The following PKD1L1 variants were observed in gnomAD, a reference collection of about 807,000 sequenced individuals.
PKD1L1 encodes polycystin 1 like 1, transient receptor potential channel interacting, also known as polycystin-1-like protein 1.
A neutral mutation model predicts 323.4 loss-of-function variants in PKD1L1; 236 were observed. That is an observed-to-expected ratio of 0.73 (90% CI 0.66 to 0.81). PKD1L1 has a LOEUF of 0.81. Among genes scored for constraint, PKD1L1 ranks in the 40% least tolerant of loss-of-function variants. The pLI is 0.00. For missense variants in PKD1L1, 3,320 were observed against 3,508.0 expected (o/e 0.95, Z 1.35); for synonymous variants, 1,344 against 1,335.0 (o/e 1.01, Z -0.15).
rs1787955607 is a variant in PKD1L1 at position 47,940,219 on chromosome 7, G to C, written c.259C>G (p.Pro87Ala). 1.2e-6 allele frequency: 2 copies of C among 1,614,138 alleles called. No individual in the cohort carries two copies. The highest frequency in any genetic ancestry group is 1.7e-6 in the Non-Finnish European group (2 of 1,180,018). ...GKAEDRESQS[P>A]SSSASRQKNI... ...TTCTGCCTGGAAGCTGATGAGGATG[G>C]GCTCTGTGATTCCCGGTCTTCTGCC... The change falls in exon 3 of 57, where the codon CCA becomes GCA. Residue 87 changes from proline to alanine, a missense_variant. Pro to Ala is a conservative substitution (Grantham distance 27). Transcript: ENST00000289672.
intron 30 of PKD1L1, among the ~76,000 whole-genome samples, chr7:47,853,761 C>CAAACCAAAAAAAAAAAAAAAAA (rs1785834681): frequency 1.2e-5 from 1 of 85,110 alleles, no homozygotes; most frequent in African/African-American, 4.5e-5. Context: ...AACAAACAAA[C>CAAACCAAAAAAAAAAAAAAAAA]AAACCAAAAA....
At chr7:47,800,377 CAG>C (rs1428676000) in intron 54 of PKD1L1, among the ~76,000 whole-genome samples, 1 of 152,160 alleles carries the variant, frequency 6.6e-6, no homozygotes. Context: ...TGATTCAGTG[CAG>C]AGTGAGGGGG....
At chr7:47,829,993 G>T in intron 43 of PKD1L1, 47 bp downstream of exon 43, 2 of 1,537,538 alleles carry the variant, frequency 1.3e-6, no homozygotes, top group Non-Finnish European at 1.8e-6. Flanking sequence ...TCCCATCTAG[G>T]TCCCCTGCTG....
At chr7:47,927,377 C>A (rs1444785405) in intron 7 of PKD1L1, among the ~76,000 whole-genome samples, 1 of 152,078 alleles carries the variant, frequency 6.6e-6, no homozygotes, top group Non-Finnish European at 1.5e-5. Flanking sequence ...CTCCCGGGTT[C>A]AAGCAATTCT....
intron 56 of PKD1L1, among the ~76,000 whole-genome samples, chr7:47,786,294 T>C (rs189307305): frequency 5.7e-4 from 87 of 152,310 alleles, no homozygotes; most frequent in African/African-American, 2.0e-3. Flanking sequence ...TCTCATTATT[T>C]TACAAACTGG....
At chr7:47,858,640 T>C (rs1785954508) in intron 27 of PKD1L1, 33 bp downstream of exon 27, 1 of 1,572,130 alleles carries the variant, frequency 6.4e-7, no homozygotes, top group African/African-American at 1.4e-5. Flanking sequence ...ATGGAAACAG[T>C]ATTTTTATGG....
upstream of PKD1L1, among the ~76,000 whole-genome samples, chr7:47,951,495 T>C (rs1197637788): frequency 6.6e-6 from 1 of 152,230 alleles, no homozygotes; most frequent in East Asian, 1.9e-4. Context: ...GTGTTTAGTA[T>C]GCACATAGTT....
Position 47,813,249 on chromosome 7 carries a change from T to C in PKD1L1, c.7218A>G (p.Thr2406=), listed in dbSNP as rs777443722. 1.2e-6 allele frequency: 2 copies of C among 1,614,194 alleles called. No homozygotes were observed. The highest frequency in any genetic ancestry group is 1.7e-5 in the Admixed American group (1 of 60,034). The stretch of plus-strand genomic sequence containing the variant: ...CAGGGCCTCCAACTTCGGGACTACA[T>C]GTAGGAATAGAGTCTTCGATGAGTG... ...FSALIEDSIP[T]CSPEVGGPEN... The change falls in exon 49 of 57, where the codon ACA becomes ACG. Residue 2406 remains threonine (T), a synonymous_variant. Transcript: ENST00000289672.
intron 7 of PKD1L1, among the ~76,000 whole-genome samples, chr7:47,922,813 G>C (rs961001182): frequency 6.6e-6 from 1 of 152,010 alleles, no homozygotes; most frequent in Non-Finnish European, 1.5e-5. Flanking sequence ...CCCTCTGCCC[G>C]GCCGCCACCC....
At chr7:47,853,351 C>G (rs573931769) in intron 30 of PKD1L1, 124 bp from the exon 31 acceptor site, 91 of 692,740 alleles carry the variant, frequency 1.3e-4, no homozygotes, top group Admixed American at 2.5e-4. Context: ...AAGGAGGTAG[C>G]CTGGGACTAA....
chr7:47,921,255 A>AG (rs1562990849), intron 7 of PKD1L1, among the ~76,000 whole-genome samples: 1 of 151,746 alleles, frequency 6.6e-6, no homozygotes, highest in Admixed American at 6.6e-5. Flanking sequence ...AAAAAAAAAA[A>AG]AAAGATATAC....
At chr7:47,922,483 T>C (rs1341820956) in intron 7 of PKD1L1, among the ~76,000 whole-genome samples, 12 of 147,662 alleles carry the variant, frequency 8.1e-5, no homozygotes, top group African/African-American at 2.5e-4. Flanking sequence ...TCTGCCCGGC[T>C]GCCCATCGTC....
intron 16 of PKD1L1, among the ~76,000 whole-genome samples, chr7:47,889,191 C>T (rs554791204): frequency 1.3e-5 from 2 of 152,102 alleles, no homozygotes; most frequent in African/African-American, 4.8e-5. Context: ...CCCCAGACCT[C>T]CTGGGGACAT....
At position 47,877,470 on chromosome 7, in the gene PKD1L1, C is replaced by T. The variant is rs1258900211; in HGVS notation, c.3663+19G>A. 2 of 1,612,904 alleles carry T rather than the reference C, an allele frequency of 1.2e-6. No homozygotes were observed. The highest frequency in any genetic ancestry group is 2.2e-5 in the East Asian group (1 of 44,864). On this transcript the variant is annotated intron_variant, in intron 22 of 56. Coordinates refer to ENST00000289672, the MANE Select transcript of PKD1L1 (RefSeq NM_138295.5). ...ACTGTCGGGGGTCTCTCAGGACAGACATGGGGTTGTCCACGTACCGGTTTT... is the reference window on the plus strand; with the variant it reads ...ACTGTCGGGGGTCTCTCAGGACAGATATGGGGTTGTCCACGTACCGGTTTT...
chr7:47,898,353 T>C (rs1787005942), intron 13 of PKD1L1, among the ~76,000 whole-genome samples, 159 bp from the exon 14 acceptor site: 1 of 151,956 alleles, frequency 6.6e-6, no homozygotes, highest in African/African-American at 2.4e-5. Context: ...AACACCAGAA[T>C]AAACACTACA....
intron 54 of PKD1L1, among the ~76,000 whole-genome samples, chr7:47,797,429 C>T (rs1179431112): frequency 3.3e-5 from 5 of 152,192 alleles, no homozygotes; most frequent in African/African-American, 1.2e-4. Context: ...GAACCCCTCA[C>T]AAAATTTCAG....
intron 2 of PKD1L1, among the ~76,000 whole-genome samples, chr7:47,942,595 T>C (rs1788011448): frequency 6.6e-6 from 1 of 152,140 alleles, no homozygotes; most frequent in Non-Finnish European, 1.5e-5. Flanking sequence ...TCCTGGCAAT[T>C]ACGTTTCAGG....
At chr7:47,877,760 C>A (rs1044163687) in intron 21 of PKD1L1, 129 bp from the exon 22 acceptor site, 4 of 1,090,650 alleles carry the variant, frequency 3.7e-6, no homozygotes, top group Non-Finnish European at 5.1e-6. Context: ...CAGCATCGGA[C>A]TAACCTGGGA....
chr7:47,824,001 A>G (rs1211639223), intron 45 of PKD1L1, among the ~76,000 whole-genome samples: 2 of 152,248 alleles, frequency 1.3e-5, no homozygotes, highest in African/African-American at 2.4e-5. Context: ...TGTTTGACCA[A>G]TGTGAGCCTC....
Sources: gnomAD v4.1 joint callset for allele counts (sites outside exome capture counted in the v4.1 genomes callset) on GRCh38, gnomAD v4.1.1 for gene constraint, MANE v1.5 for transcripts, NCBI Gene and HGNC (gene_info 2026-07-23, HGNC 2026-07-21) for gene names.